Variants in DPYD observed in about 807,000 individuals in gnomAD.
DPYD encodes dihydropyrimidine dehydrogenase [NADP(+)].
In DPYD, 109 loss-of-function variants were observed where a neutral mutation model predicts 116.2. The ratio of observed to expected loss-of-function variants is 0.94; its 90% CI spans 0.80 to 1.10. DPYD has a LOEUF of 1.10. Ranked by LOEUF, DPYD falls within the 50% of genes least tolerant of loss-of-function variation. The pLI, the probability that DPYD is intolerant of heterozygous loss-of-function variation, is 0.00. For synonymous variants in DPYD, 440 were observed against 432.0 expected, an observed-to-expected ratio of 1.02 and a Z score of -0.23; for missense variants, 1,302 against 1,254.5, an observed-to-expected ratio of 1.04 and a Z score of -0.57.
At chr1:97,412,887 C>A (rs6663751) in intron 14 of DPYD, among the ~76,000 whole-genome samples, 16,030 of 152,114 alleles carry the variant, frequency 0.11, 1,119 homozygotes, top group South Asian at 0.27. Context: ...GGTGTCCTTC[C>A]CCCACACCAC....
At chr1:97,299,855 C>A (rs1053020731) in intron 18 of DPYD, among the ~76,000 whole-genome samples, 1 of 151,948 alleles carries the variant, frequency 6.6e-6, no homozygotes, top group African/African-American at 2.4e-5. Flanking sequence ...CTGCACAGAC[C>A]AACGATGGCT....
intron 1 of DPYD, among the ~76,000 whole-genome samples, chr1:97,907,520 C>A (rs1673697869): frequency 6.6e-6 from 1 of 152,058 alleles, no homozygotes; most frequent in Admixed American, 6.6e-5. Flanking sequence ...GTGCCAGAAC[C>A]AGGACTTTAA....
At chr1:97,550,984 T>C (rs993753087) in intron 11 of DPYD, among the ~76,000 whole-genome samples, 3 of 152,180 alleles carry the variant, frequency 2.0e-5, no homozygotes, top group Non-Finnish European at 4.4e-5. Flanking sequence ...CTGTTGATTG[T>C]GTTTTTCCCA....
At chr1:97,389,164 A>C (rs544940393) in intron 14 of DPYD, among the ~76,000 whole-genome samples, 2 of 151,978 alleles carry the variant, frequency 1.3e-5, no homozygotes, top group South Asian at 4.1e-4. Flanking sequence ...AAATGGGCCA[A>C]GCATGGTGGC....
At chr1:97,094,072 C>T (rs1450885012) in intron 21 of DPYD, among the ~76,000 whole-genome samples, 3 of 152,014 alleles carry the variant, frequency 2.0e-5, no homozygotes, top group Non-Finnish European at 4.4e-5. Context: ...TGACCTTTCT[C>T]AAGTTACTGA....
intron 19 of DPYD, among the ~76,000 whole-genome samples, chr1:97,204,004 G>T (rs571247885): frequency 6.6e-6 from 1 of 152,114 alleles, no homozygotes; most frequent in East Asian, 1.9e-4. Context: ...TTTTGACTGA[G>T]TTGCCAATAT....
intron 20 of DPYD, among the ~76,000 whole-genome samples, chr1:97,122,871 T>C (rs935894806): frequency 6.6e-6 from 1 of 152,112 alleles, no homozygotes; most frequent in Non-Finnish European, 1.5e-5. Context: ...AGAATGTGAC[T>C]ACTGGAGAGA....
intron 2 of DPYD, among the ~76,000 whole-genome samples, chr1:97,838,707 C>T (rs1042662044): frequency 3.3e-5 from 5 of 151,944 alleles, no homozygotes; most frequent in Admixed American, 6.6e-5. Flanking sequence ...TAGCCGGGCG[C>T]GGTGGCGGGC....
intron 8 of DPYD, among the ~76,000 whole-genome samples, chr1:97,598,478 G>A (rs1478538273): frequency 2.0e-5 from 3 of 152,152 alleles, no homozygotes; most frequent in Admixed American, 6.6e-5. Context: ...TTTCAAGGAG[G>A]CCGGATAGTT....
intron 1 of DPYD, among the ~76,000 whole-genome samples, chr1:97,902,780 G>A (rs78496093): frequency 3.4e-3 from 519 of 151,858 alleles, no homozygotes; most frequent in Middle Eastern, 0.014. Flanking sequence ...TCCTAAAGGA[G>A]CATACTAAAC....
chr1:97,360,138 A>G (rs1199511883), intron 16 of DPYD, among the ~76,000 whole-genome samples: 2 of 152,180 alleles, frequency 1.3e-5, no homozygotes, highest in African/African-American at 2.4e-5. Context: ...AAGCAAAAAA[A>G]AAGCAGAGGT....
chr1:97,583,493 T>C (rs981286196), intron 10 of DPYD, among the ~76,000 whole-genome samples: 1 of 152,142 alleles, frequency 6.6e-6, no homozygotes, highest in African/African-American at 2.4e-5. Flanking sequence ...TCTGTGTAAC[T>C]TGGTGCCTTT....
At chr1:97,852,919 G>A (rs1023374193) in intron 2 of DPYD, among the ~76,000 whole-genome samples, 2 of 152,072 alleles carry the variant, frequency 1.3e-5, no homozygotes, top group East Asian at 1.9e-4. Flanking sequence ...TTTCCCTCAG[G>A]GATACTTCAC....
chr1:97,561,677 AC>A (rs1279771748), intron 11 of DPYD, among the ~76,000 whole-genome samples: 2 of 152,200 alleles, frequency 1.3e-5, no homozygotes, highest in Non-Finnish European at 2.9e-5. Flanking sequence ...ACATAGTTAA[AC>A]ACTAAAAACA....
intron 14 of DPYD, among the ~76,000 whole-genome samples, chr1:97,426,508 T>C (rs1005726608): frequency 1.3e-5 from 2 of 151,500 alleles, no homozygotes; most frequent in African/African-American, 2.4e-5. Context: ...CTTAGTCTAA[T>C]AGAATATGGT....
At chr1:97,210,022 T>C (rs1342646486) in intron 19 of DPYD, among the ~76,000 whole-genome samples, 3 of 152,042 alleles carry the variant, frequency 2.0e-5, no homozygotes, top group African/African-American at 4.8e-5. Flanking sequence ...GGCATGACCA[T>C]AGAATAGGGG....
chr1:97,246,343 C>A (rs1570750535), intron 18 of DPYD, among the ~76,000 whole-genome samples: 1 of 152,198 alleles, frequency 6.6e-6, no homozygotes, highest in Middle Eastern at 3.4e-3. Flanking sequence ...ATGGACAACC[C>A]ATGTTCACAT....
intron 16 of DPYD, among the ~76,000 whole-genome samples, chr1:97,315,533 G>C (rs1392136628): frequency 6.6e-6 from 1 of 151,776 alleles, no homozygotes; most frequent in Non-Finnish European, 1.5e-5. Flanking sequence ...CCCTCTCTGT[G>C]TCTGATTCCT....
At chr1:97,737,404 T>C (rs1162991755) in intron 4 of DPYD, among the ~76,000 whole-genome samples, 4 of 152,144 alleles carry the variant, frequency 2.6e-5, no homozygotes, top group Non-Finnish European at 5.9e-5. Context: ...TTACGGACTT[T>C]CCAACATTTT....
Sources: allele counts gnomAD v4.1 joint callset (sites outside exome capture counted in the v4.1 genomes callset), GRCh38; gene constraint gnomAD v4.1.1; transcripts MANE v1.5; gene names NCBI Gene and HGNC (gene_info 2026-07-23, HGNC 2026-07-21).